Variants in MED26 observed in about 807,000 individuals in gnomAD.
MED26 encodes the protein mediator of RNA polymerase II transcription subunit 26.
In MED26, 7 loss-of-function variants were observed where a neutral mutation model predicts 43.7. The ratio of observed to expected loss-of-function variants is 0.16; its 90% confidence interval spans 0.09 to 0.30. The LOEUF (loss-of-function observed/expected upper bound fraction) is 0.30. Among genes scored for constraint, MED26 ranks in the 10% least tolerant of loss-of-function variants. The probability of loss-of-function intolerance (pLI) is 1.00; values close to 1 mark genes in which losing one functional copy is unlikely to be tolerated. For synonymous variants in MED26, 375 were observed against 371.1 expected (o/e 1.01, Z -0.12); for missense variants, 784 against 840.6 (o/e 0.93, Z 0.83).
intron 1 of MED26, chr19:16,611,254 ATGGGG>A (rs1161301191): frequency 1.3e-5 from 2 of 152,298 alleles, no homozygotes; most frequent in Admixed American, 6.5e-5. Flanking sequence ...TAGCAGAGCC[ATGGGG>A]TGTGGCTTCA....
At chr19:16,608,822 C>T (rs2098798869) in intron 1 of MED26, among the ~76,000 whole-genome samples, 1 of 152,162 alleles carries the variant, frequency 6.6e-6, no homozygotes, top group Non-Finnish European at 1.5e-5. Flanking sequence ...TGGCCCTTTA[C>T]AAAAAGTTAG....
rs1228653015 is a variant in MED26, at chr19:16,628,071, G to A, written c.-128C>T. On this transcript the variant is annotated 5_prime_UTR_variant, in exon 1 of 3. Coordinates refer to ENST00000263390, the MANE Select transcript of MED26 (RefSeq NM_004831.5). ...TGTTCCCCGCGGCGCCGGGGGGTTG[G>A]GGGCGCGCGGGGTGGCGGAGAGGGG... is the stretch of plus-strand genomic sequence containing the variant. 2.2e-6 allele frequency: 1 copy of A among 454,370 alleles called. No homozygotes were observed. Among genetic ancestry groups the A allele is most frequent in the African/African-American group, 2.0e-5 (1 of 48,896 alleles). 28.1% of individuals were successfully genotyped at this position (454,370 alleles called of 1,614,324 possible).
At chr19:16,604,583 A>G (rs572902399) in intron 1 of MED26, among the ~76,000 whole-genome samples, 33 of 152,310 alleles carry the variant, frequency 2.2e-4, no homozygotes, top group Admixed American at 1.7e-3. Flanking sequence ...AGCCACCTAG[A>G]TTCCATTCTG....
At chr19:16,602,985 T>C (rs925840447) in intron 1 of MED26, among the ~76,000 whole-genome samples, 5 of 152,172 alleles carry the variant, frequency 3.3e-5, no homozygotes, top group African/African-American at 1.2e-4. Flanking sequence ...TTAAGTTTTA[T>C]GGGATGTATA....
At chr19:16,596,020 G>GT (rs1235814836) in intron 1 of MED26, among the ~76,000 whole-genome samples, 1 of 151,938 alleles carries the variant, frequency 6.6e-6, no homozygotes, top group East Asian at 1.9e-4. Context: ...TTTTCTTTTT[G>GT]TTTTTCTTGA....
chr19:16,605,723 G>A (rs2086169588), intron 1 of MED26, among the ~76,000 whole-genome samples: 1 of 152,230 alleles, frequency 6.6e-6, no homozygotes, highest in Non-Finnish European at 1.5e-5. Context: ...AGGCATAGGG[G>A]AACAAGGAGG....
chr19:16,585,630 G>C (rs1031508785), intron 1 of MED26, among the ~76,000 whole-genome samples: 1 of 152,150 alleles, frequency 6.6e-6, no homozygotes, highest in Non-Finnish European at 1.5e-5. Flanking sequence ...TTTCTTTCCA[G>C]GTTTCCCTCA....
intron 1 of MED26, among the ~76,000 whole-genome samples, chr19:16,601,014 C>T (rs1275015581): frequency 6.6e-6 from 1 of 151,900 alleles, no homozygotes; most frequent in African/African-American, 2.4e-5. Flanking sequence ...AAATTGAACC[C>T]AGGAGGTTGA....
chr19:16,596,093 T>C (rs973660744), intron 1 of MED26, among the ~76,000 whole-genome samples: 1 of 152,174 alleles, frequency 6.6e-6, no homozygotes, highest in Non-Finnish European at 1.5e-5. Flanking sequence ...TCACTGCAGC[T>C]TCGACCTCAC....
rs1313905108 is a variant in MED26 at position 16,587,126 on chromosome 19, C to T, written c.73-8717G>A. On this transcript the variant is annotated intron_variant, in intron 1 of 2. Transcript: ENST00000263390. The surrounding 1 kb of genome is among the most constrained non-coding windows in gnomAD (Gnocchi z 4.9). ...GTCACCTCGCCCACCCCCCAACCCC[C>T]AACACACAGTCGTGTCTGCTGAGGA... is the stretch of plus-strand genomic sequence containing the variant. 6.6e-6 allele frequency: 1 copy of T among 152,106 alleles called. No individual in the cohort carries two copies. Among genetic ancestry groups the T allele is most frequent in the Non-Finnish European group, 1.5e-5 (1 of 68,022 alleles). The allele number at this position is 152,106 out of a possible 1,614,324, so 9.4% of individuals were successfully genotyped here.
At chr19:16,589,418 A>C (rs917124273) in intron 1 of MED26, 3 of 152,286 alleles carry the variant, frequency 2.0e-5, no homozygotes, top group African/African-American at 4.8e-5. Flanking sequence ...CCGAATAAAT[A>C]AATCATGGTC....
chr19:16,607,763 T>C (rs2086180714), intron 1 of MED26, among the ~76,000 whole-genome samples: 1 of 152,108 alleles, frequency 6.6e-6, no homozygotes, highest in Admixed American at 6.5e-5. Flanking sequence ...ATCATCAGTG[T>C]TAGTGTATTT....
At position 16,576,028 on chromosome 19, in the gene MED26, C is replaced by A; in HGVS notation, c.1802G>T (p.Ter601LeuextTer85). ...LNILPYVCLD[*>L] ...TGCACTTTGTGGCTGACAGGCCGGTCAGTCCAAGCAGACATAAGGCAGAAT... is the reference window on the plus strand; with the variant it reads ...TGCACTTTGTGGCTGACAGGCCGGTAAGTCCAAGCAGACATAAGGCAGAAT... The change falls in exon 3 of 3, where the codon TGA becomes TTA. Residue 601 changes from the stop codon to leucine (L), a stop_lost. Coordinates refer to ENST00000263390, the MANE Select transcript of MED26 (RefSeq NM_004831.5). This position sits in a 1 kb window ranked among gnomAD's most constrained non-coding sequence, Gnocchi z 6.8. 2 of 1,604,144 alleles carry A rather than the reference C, an allele frequency of 1.2e-6. No individual in the cohort carries two copies. Among genetic ancestry groups the A allele is most frequent in the South Asian group, 2.2e-5 (2 of 90,826 alleles).
chr19:16,594,403 T>C (rs2122409228), intron 1 of MED26, among the ~76,000 whole-genome samples: 1 of 152,362 alleles, frequency 6.6e-6, no homozygotes, highest in Middle Eastern at 3.4e-3. Flanking sequence ...CTTCCTGCTG[T>C]GGACCTGAAC....
rs2085992862 is a variant in MED26 at position 16,575,889 on chromosome 19, GC to G, written c.*137del. 3.0e-6 allele frequency: 2 copies of G among 658,904 alleles called. No individual in the cohort carries two copies. The highest frequency in any genetic ancestry group is 5.8e-5 in the Admixed American group (2 of 34,360). The allele number at this position is 658,904 out of a possible 1,614,324, so 40.8% of individuals were successfully genotyped here. ...AGCGCAGAGAGACCGCGTGACTCCC[GC>G]CCCCTCCCTCCCGCCTGGGCCGGAC... On this transcript the variant is annotated 3_prime_UTR_variant, in exon 3 of 3. Coordinates refer to ENST00000263390, the MANE Select transcript of MED26 (RefSeq NM_004831.5).
chr19:16,577,497 G>A lies in MED26; in HGVS notation c.333C>T (p.Cys111=), dbSNP rs1189531521. ...GGCCAGCCGCCCCCACCTCCGGCCG[G>A]CAGTTGTGTGCGCCCCCGTTGGCAG... ...TGSANGGAHN[C]RPEVGAAGPP... Residue 111 remains cysteine (C), a synonymous_variant, in exon 3 of 3, where the codon TGC becomes TGT. Transcript: ENST00000263390. This position sits in a 1 kb window ranked among gnomAD's most constrained non-coding sequence, Gnocchi z 8.1. 6.3e-6 allele frequency: 10 copies of A among 1,593,886 alleles called. No individual in the cohort carries two copies. Among genetic ancestry groups the A allele is most frequent in the Admixed American group, 1.7e-5 (1 of 58,790 alleles).
chr19:16,623,129 A>G (rs954974329), intron 1 of MED26, among the ~76,000 whole-genome samples: 5 of 152,164 alleles, frequency 3.3e-5, no homozygotes, highest in African/African-American at 1.2e-4. Flanking sequence ...CAGAAACCTC[A>G]GTGAGGAGAG....
intron 1 of MED26, among the ~76,000 whole-genome samples, chr19:16,585,918 A>T (rs1281349953): frequency 1.3e-5 from 2 of 152,182 alleles, no homozygotes; most frequent in African/African-American, 4.8e-5. Context: ...TCGCTTTATT[A>T]CAGGGGTGTG....
intron 1 of MED26, among the ~76,000 whole-genome samples, chr19:16,592,755 T>G (rs2086103760): frequency 6.6e-6 from 1 of 152,220 alleles, no homozygotes; most frequent in Non-Finnish European, 1.5e-5. Flanking sequence ...AATAAGGACC[T>G]GAGTAGCTTC....
Sources: allele counts gnomAD v4.1 joint callset (sites outside exome capture counted in the v4.1 genomes callset), GRCh38; gene constraint gnomAD v4.1.1; non-coding constraint Gnocchi (gnomAD v3.1); transcripts MANE v1.5; gene names NCBI Gene and HGNC (gene_info 2026-07-23, HGNC 2026-07-21).